Variants in CMIP observed in about 807,000 individuals in gnomAD.
CMIP encodes c-Maf inducing protein.
A neutral mutation model predicts 97.3 loss-of-function variants in CMIP; 13 were observed. The ratio of observed to expected loss-of-function variants is 0.13; its 90% CI spans 0.09 to 0.21. The LOEUF is 0.21. CMIP is among the 10% of genes least tolerant of loss of function. The pLI, the probability that CMIP is intolerant of heterozygous loss-of-function variation, is 1.00. For missense variants in CMIP, 847 were observed against 1,024.9 expected, an observed-to-expected ratio of 0.83 and a Z score of 2.37; for synonymous variants, 538 against 436.3, an observed-to-expected ratio of 1.23 and a Z score of -2.91.
chr16:81,649,221 G>C (rs895752100), intron 3 of CMIP, among the ~76,000 whole-genome samples: 1 of 152,250 alleles, frequency 6.6e-6, no homozygotes, highest in African/African-American at 2.4e-5. Flanking sequence ...GGATCTTCTG[G>C]CTCTGAATAC....
At chr16:81,447,980 T>A (rs1392086965) in intron 1 of CMIP, among the ~76,000 whole-genome samples, 3 of 152,248 alleles carry the variant, frequency 2.0e-5, no homozygotes, top group Non-Finnish European at 4.4e-5. Flanking sequence ...GGACATTATG[T>A]AATCTGTCTG....
At chr16:81,563,005 G>T (rs2090914083) in intron 1 of CMIP, among the ~76,000 whole-genome samples, 1 of 152,286 alleles carries the variant, frequency 6.6e-6, no homozygotes, top group African/African-American at 2.4e-5. Flanking sequence ...TTTGATTTTA[G>T]ACCTCATCAT....
At chr16:81,583,683 A>G (rs1050804285) in intron 1 of CMIP, among the ~76,000 whole-genome samples, 1 of 152,166 alleles carries the variant, frequency 6.6e-6, no homozygotes, top group Non-Finnish European at 1.5e-5. Context: ...CTTTGGACCT[A>G]AAGTCCTCTG....
chr16:81,559,930 C>G (rs1256376033), intron 1 of CMIP, among the ~76,000 whole-genome samples: 1 of 151,948 alleles, frequency 6.6e-6, no homozygotes, highest in East Asian at 1.9e-4. Flanking sequence ...GGTAGATCAT[C>G]TGAGGTCAGG....
At chr16:81,523,120 A>C (rs7200617) in intron 1 of CMIP, among the ~76,000 whole-genome samples, 2 of 151,938 alleles carry the variant, frequency 1.3e-5, no homozygotes, top group Non-Finnish European at 2.9e-5. Flanking sequence ...GGACTTCGCT[A>C]TGTTGCCCAG....
intron 1 of CMIP, among the ~76,000 whole-genome samples, chr16:81,588,460 T>C (rs890767187): frequency 1.3e-5 from 2 of 152,196 alleles, no homozygotes; most frequent in African/African-American, 2.4e-5. Flanking sequence ...CACCGTCCAT[T>C]GACCTCGTTT....
intron 1 of CMIP, among the ~76,000 whole-genome samples, chr16:81,494,504 ACCTT>A: frequency 6.6e-6 from 1 of 152,182 alleles, no homozygotes; most frequent in Non-Finnish European, 1.5e-5. Context: ...CTCCCCTTCC[ACCTT>A]GGGGTGTAAG....
At chr16:81,493,581 C>T (rs1008211671) in intron 1 of CMIP, among the ~76,000 whole-genome samples, 1 of 152,226 alleles carries the variant, frequency 6.6e-6, no homozygotes, top group Non-Finnish European at 1.5e-5. Context: ...CGCAAGCCAC[C>T]CGGGCCCAGC....
chr16:81,471,504 A>G (rs57912627), intron 1 of CMIP, among the ~76,000 whole-genome samples: 1 of 152,212 alleles, frequency 6.6e-6, no homozygotes, highest in African/African-American at 2.4e-5. Context: ...GCATACATAT[A>G]CACATGTGCA....
At chr16:81,523,612 A>G (rs1286202935) in intron 1 of CMIP, among the ~76,000 whole-genome samples, 2 of 152,240 alleles carry the variant, frequency 1.3e-5, no homozygotes, top group South Asian at 2.1e-4. Context: ...TGGTTGCCTC[A>G]TTTAGATCCC....
At chr16:81,491,575 A>G (rs1186668314) in intron 1 of CMIP, among the ~76,000 whole-genome samples, 1 of 152,230 alleles carries the variant, frequency 6.6e-6, no homozygotes, top group East Asian at 1.9e-4. Context: ...CTCTTCATAC[A>G]ATTCACCCAA....
intron 3 of CMIP, among the ~76,000 whole-genome samples, chr16:81,642,579 G>A (rs62043831): frequency 0.31 from 46,798 of 152,106 alleles, 8,548 homozygotes; most frequent in Non-Finnish European, 0.41. Context: ...TATGTGCATA[G>A]CAGCACTATT....
intron 1 of CMIP, among the ~76,000 whole-genome samples, chr16:81,502,035 C>T (rs917830909): frequency 6.6e-6 from 1 of 152,180 alleles, no homozygotes; most frequent in Non-Finnish European, 1.5e-5. Context: ...ATATGCTAGG[C>T]CCTATTCTAA....
intron 10 of CMIP, among the ~76,000 whole-genome samples, chr16:81,688,895 G>A (rs1276258889): frequency 1.3e-5 from 2 of 152,140 alleles, no homozygotes; most frequent in South Asian, 4.1e-4. Context: ...ACCTATGAGT[G>A]AGAACATGCG....
At chr16:81,525,235 C>T (rs1445101658) in intron 1 of CMIP, among the ~76,000 whole-genome samples, 1 of 152,152 alleles carries the variant, frequency 6.6e-6, no homozygotes. Flanking sequence ...CCACCATCTC[C>T]CAGGTTGAAG....
chr16:81,639,559 A>C (rs1347460066), intron 3 of CMIP, among the ~76,000 whole-genome samples: 1 of 152,226 alleles, frequency 6.6e-6, no homozygotes, highest in Non-Finnish European at 1.5e-5. Flanking sequence ...GTTCATTCAT[A>C]GTGTGGCCTG....
At chr16:81,643,857 G>T (rs560090839) in intron 3 of CMIP, among the ~76,000 whole-genome samples, 1 of 152,118 alleles carries the variant, frequency 6.6e-6, no homozygotes. Context: ...CCTCAATGAA[G>T]TAAATCTATA....
chr16:81,537,281 T>C (rs181898816), intron 1 of CMIP, among the ~76,000 whole-genome samples: 1 of 151,460 alleles, frequency 6.6e-6, no homozygotes, highest in South Asian at 2.1e-4. Flanking sequence ...ACACCTGTAA[T>C]GCCGGCACTT....
chr16:81,445,151 G>A lies in CMIP; in HGVS notation c.-91G>A. 2.8e-6 allele frequency: 2 copies of A among 705,806 alleles called. No individual in the cohort carries two copies. The highest frequency in any genetic ancestry group is 4.1e-6 in the Non-Finnish European group (2 of 483,880). 43.7% of individuals were successfully genotyped at this position (705,806 alleles called of 1,614,324 possible). ...CCCCCACCTTCCCGGGGGGTGGGGG[G>A]GTGCGGGCCGCCGGATCCGGGGGCC... On this transcript the variant is annotated 5_prime_UTR_variant, in exon 1 of 21. Coordinates refer to ENST00000537098, the MANE Select transcript of CMIP (RefSeq NM_198390.3).
Sources: allele counts gnomAD v4.1 joint callset (sites outside exome capture counted in the v4.1 genomes callset), GRCh38; gene constraint gnomAD v4.1.1; transcripts MANE v1.5; gene names NCBI Gene and HGNC (gene_info 2026-07-23, HGNC 2026-07-21).